MFSD6: variants seen among roughly 807,000 people sequenced by gnomAD.
MFSD6 encodes major facilitator superfamily domain containing 6.
MFSD6 carries 26 observed loss-of-function variants against 56.3 expected under a neutral mutation model. The ratio of observed to expected loss-of-function variants is 0.46; its 90% CI spans 0.34 to 0.64. MFSD6 has a LOEUF of 0.64. Ranked by LOEUF, MFSD6 falls within the 30% of genes least tolerant of loss-of-function variation. The pLI, the probability that MFSD6 is intolerant of heterozygous loss-of-function variation, is 0.01. For synonymous variants in MFSD6, 331 were observed against 366.9 expected (o/e 0.90, Z 1.12); for missense variants, 750 against 986.2 (o/e 0.76, Z 3.21).
rs1054557313 is a variant in MFSD6, at chr2:190,434,982, C to T, written c.-53-995C>T. 1.3e-5 allele frequency among the ~76,000 whole-genome samples: 2 copies of T among 152,094 alleles called. No individual in the cohort carries two copies. Among genetic ancestry groups the T allele is most frequent in the Non-Finnish European group, 2.9e-5 (2 of 68,018 alleles). The stretch of plus-strand genomic sequence containing the variant: ...TGAACGCTATTGTGAACTGTGCATG[C>T]GAGGGATGTAGGTTGTGTGCTCCTT... On this transcript the variant is annotated intron_variant, in intron 2 of 7. Coordinates refer to ENST00000392328, the MANE Select transcript of MFSD6 (RefSeq NM_017694.4). This position sits in a 1 kb window ranked among gnomAD's most constrained non-coding sequence, Gnocchi z 4.3.
rs1280126389 is a variant in MFSD6, at chr2:190,424,766, G to A, written c.-54+9353G>A. 2.6e-5 allele frequency among the ~76,000 whole-genome samples: 4 copies of A among 152,154 alleles called. No homozygotes were observed. Among genetic ancestry groups the A allele is most frequent in the Non-Finnish European group, 2.9e-5 (2 of 68,034 alleles). On this transcript the variant is annotated intron_variant, in intron 2 of 7. Coordinates refer to ENST00000392328, the MANE Select transcript of MFSD6 (RefSeq NM_017694.4). The surrounding 1 kb of genome is among the most constrained non-coding windows in gnomAD (Gnocchi z 5.9). ...GGGCATATTTGGGTGGATTTGTTCT[G>A]GGTTCTGTATTCTGTTACATTGATC...
chr2:190,429,487 A>G (rs1685893971), intron 2 of MFSD6, among the ~76,000 whole-genome samples: 2 of 151,980 alleles, frequency 1.3e-5, no homozygotes, highest in Non-Finnish European at 2.9e-5. Context: ...CACCATGCCC[A>G]GCTAATTTTT....
rs1465619031 is a variant in MFSD6, at chr2:190,454,451, GGGCCCTCA to G, written c.1533-15306_1533-15299del. 1 of 152,118 alleles carries G rather than the reference GGGCCCTCA, an allele frequency of 6.6e-6. No homozygotes were observed. The highest frequency in any genetic ancestry group is 1.5e-5 in the Non-Finnish European group (1 of 68,050). The allele number at this position is 152,118 out of a possible 1,614,324, so 9.4% of individuals were successfully genotyped here. A position where few individuals can be genotyped will look rare whatever the true frequency, so the allele number is the denominator to read the frequency against. ...ATGAAGTTTAGAGGTCATGAGAGTG[GGGCCCTCA>G]TAATGGGGTTAGTGCCCTTACAAGA... On this transcript the variant is annotated intron_variant, in intron 3 of 7. Transcript: ENST00000392328. The surrounding 1 kb of genome is among the most constrained non-coding windows in gnomAD (Gnocchi z 4.6).
chr2:190,458,733 A>G lies in MFSD6; in HGVS notation c.1533-11025A>G, dbSNP rs1687170580. On this transcript the variant is annotated intron_variant, in intron 3 of 7. Coordinates refer to ENST00000392328, the MANE Select transcript of MFSD6 (RefSeq NM_017694.4). This position sits in a 1 kb window ranked among gnomAD's most constrained non-coding sequence, Gnocchi z 5.3. The stretch of plus-strand genomic sequence containing the variant: ...AGTGGCAAAAATCCTTACCCAGAGA[A>G]GCTTAAGTAAAATGGGGACTGTATT... Among the ~76,000 whole-genome samples the G allele has an allele frequency of 6.6e-6, 1 of 152,188 alleles. No individual in the cohort carries two copies. Among genetic ancestry groups the G allele is most frequent in the South Asian group, 2.1e-4 (1 of 4,824 alleles).
Position 190,437,409 on chromosome 2 carries a change from A to G in MFSD6, c.1380A>G (p.Gly460=). The G allele has an allele frequency of 6.2e-7, 1 of 1,614,178 alleles. No homozygotes were observed. The highest frequency in any genetic ancestry group is 2.2e-5 in the East Asian group (1 of 44,876). The stretch of plus-strand genomic sequence containing the variant: ...TTGTGGCTTGGTTCATGGGTTTTGG[A>G]TATGGCTTCGTGTTCACCTTTCTCT... ...VLFVAWFMGF[G]YGFVFTFLYW... The change falls in exon 3 of 8, where the codon GGA becomes GGG. Residue 460 remains glycine (G), a synonymous_variant. Coordinates refer to ENST00000392328, the MANE Select transcript of MFSD6 (RefSeq NM_017694.4). This position sits in a 1 kb window ranked among gnomAD's most constrained non-coding sequence, Gnocchi z 5.9.
intron 2 of MFSD6, among the ~76,000 whole-genome samples, chr2:190,421,053 T>A (rs1051435269): frequency 7.9e-5 from 12 of 152,300 alleles, no homozygotes; most frequent in African/African-American, 2.9e-4. Flanking sequence ...CAAAAGTCAT[T>A]TGCATATGGT....
chr2:190,499,010 T>C lies in MFSD6; in HGVS notation c.2173-1005T>C, dbSNP rs1689870873. On this transcript the variant is annotated intron_variant, in intron 7 of 7. Coordinates refer to ENST00000392328, the MANE Select transcript of MFSD6 (RefSeq NM_017694.4). The surrounding 1 kb of genome is among the most constrained non-coding windows in gnomAD (Gnocchi z 6.0). ...TAAAAATATAAAAATTAGCTGGGCA[T>C]GGTGGCGGGTGCCTGTAATCCCAGC... is the stretch of plus-strand genomic sequence containing the variant. Among the ~76,000 whole-genome samples, 1 of 152,100 alleles carries C rather than the reference T, an allele frequency of 6.6e-6. No individual in the cohort carries two copies. Among genetic ancestry groups the C allele is most frequent in the South Asian group, 2.1e-4 (1 of 4,828 alleles).
At position 190,485,408 on chromosome 2, in the gene MFSD6, A is replaced by G. The variant is rs1250567458; in HGVS notation, c.1631-3249A>G. Among the ~76,000 whole-genome samples the G allele has an allele frequency of 6.6e-6, 1 of 152,184 alleles. No homozygotes were observed. The highest frequency in any genetic ancestry group is 1.5e-5 in the Non-Finnish European group (1 of 68,008). ...ACCTACTACCATTTGATGTGTTTTC[A>G]GGTTTTCGGTAATTCATCTTTAAGA... On this transcript the variant is annotated intron_variant, in intron 4 of 7. Transcript: ENST00000392328. This position sits in a 1 kb window ranked among gnomAD's most constrained non-coding sequence, Gnocchi z 5.1.
chr2:190,431,241 G>A lies in MFSD6; in HGVS notation c.-53-4736G>A, dbSNP rs1276626184. On this transcript the variant is annotated intron_variant, in intron 2 of 7. Transcript: ENST00000392328. This position sits in a 1 kb window ranked among gnomAD's most constrained non-coding sequence, Gnocchi z 4.4. ...CCAGACTGGGCAGCCAGGCAGAGGG[G>A]CTCCTCACCTCCCAGAGGATGGGCG... Among the ~76,000 whole-genome samples the A allele has an allele frequency of 1.3e-5, 2 of 151,354 alleles. No homozygotes were observed. Among genetic ancestry groups the A allele is most frequent in the East Asian group, 3.9e-4 (2 of 5,066 alleles).
At position 190,500,132 on chromosome 2, in the gene MFSD6, C is replaced by A. The variant is rs1269384680; in HGVS notation, c.2290C>A (p.Gln764Lys). 1 of 1,614,158 alleles carries A rather than the reference C, an allele frequency of 6.2e-7. No individual in the cohort carries two copies. The highest frequency in any genetic ancestry group is 8.5e-7 in the Non-Finnish European group (1 of 1,180,028). ...CCCTGACGCAGCAGCATCTCAGACG[C>A]AGACCAGCCCCGCTCACCCCAGTGT... ...PSPDAAASQT[Q>K]TSPAHPSVDP... The change falls in exon 8 of 8, where the codon CAG becomes AAG. Residue 764 changes from glutamine (Q) to lysine (K), a missense_variant. Gln to Lys is a moderately conservative substitution (Grantham distance 53). Around this residue, in one of 5 missense-constraint regions of MFSD6, gnomAD observed 172 missense variants for 203.9 expected, o/e 0.84. Transcript: ENST00000392328. This position sits in a 1 kb window ranked among gnomAD's most constrained non-coding sequence, Gnocchi z 5.3.
chr2:190,447,991 T>C lies in MFSD6; in HGVS notation c.1532+10430T>C, dbSNP rs1455424430. Among the ~76,000 whole-genome samples, 2 of 152,238 alleles carry C rather than the reference T, an allele frequency of 1.3e-5. No homozygotes were observed. Among genetic ancestry groups the C allele is most frequent in the Non-Finnish European group, 2.9e-5 (2 of 68,032 alleles). ...GGCCATTGTTGCAAAGTGGTATAAA[T>C]GGATCCAGGGCTTTTACTGGCATCA... On this transcript the variant is annotated intron_variant, in intron 3 of 7. Coordinates refer to ENST00000392328, the MANE Select transcript of MFSD6 (RefSeq NM_017694.4). This position sits in a 1 kb window ranked among gnomAD's most constrained non-coding sequence, Gnocchi z 4.5.
Position 190,436,744 on chromosome 2 carries a change from G to A in MFSD6, c.715G>A (p.Asp239Asn), listed in dbSNP as rs761219283. ...AGGTGAAATTACTAACCGTATGATGGACTTGACTTTGAACTCAAGCACAGC... is the reference window on the plus strand; with the variant it reads ...AGGTGAAATTACTAACCGTATGATGAACTTGACTTTGAACTCAAGCACAGC... Reference protein sequence around the residue: ...QTGEITNRMMDLTLNSSTATP... With the variant: ...QTGEITNRMMNLTLNSSTATP... The change falls in exon 3 of 8, where the codon GAC (aspartate) becomes AAC (asparagine). Residue 239 changes from aspartate to asparagine, a missense_variant. Coordinates refer to ENST00000392328, the MANE Select transcript of MFSD6 (RefSeq NM_017694.4). This position sits in a 1 kb window ranked among gnomAD's most constrained non-coding sequence, Gnocchi z 5.3. 1.9e-6 allele frequency: 3 copies of A among 1,614,166 alleles called. No individual in the cohort carries two copies. The highest frequency in any genetic ancestry group is 1.6e-4 in the Middle Eastern group (1 of 6,062).
chr2:190,493,523 C>G (rs1689484253), intron 6 of MFSD6, among the ~76,000 whole-genome samples: 1 of 152,116 alleles, frequency 6.6e-6, no homozygotes, highest in African/African-American at 2.4e-5. Context: ...TACCCTGGAA[C>G]AAATGAACTT....
rs1688971049 is a variant in MFSD6 at position 190,485,688 on chromosome 2, C to A, written c.1631-2969C>A. Reference sequence around the variant, plus strand: ...CAGGCATTATTCAATTCTGAGAAAGCTGGCATTATCTAGGGTATTGCAATT... The same window carrying A: ...CAGGCATTATTCAATTCTGAGAAAGATGGCATTATCTAGGGTATTGCAATT... On this transcript the variant is annotated intron_variant, in intron 4 of 7. Coordinates refer to ENST00000392328, the MANE Select transcript of MFSD6 (RefSeq NM_017694.4). The surrounding 1 kb of genome is among the most constrained non-coding windows in gnomAD (Gnocchi z 5.1). Among the ~76,000 whole-genome samples the A allele has an allele frequency of 6.6e-6, 1 of 152,000 alleles. No homozygotes were observed. The highest frequency in any genetic ancestry group is 1.5e-5 in the Non-Finnish European group (1 of 67,990).
chr2:190,472,220 A>T (rs1232264591), intron 4 of MFSD6, among the ~76,000 whole-genome samples: 1 of 152,384 alleles, frequency 6.6e-6, no homozygotes, highest in East Asian at 1.9e-4. Context: ...CTCACTAGCA[A>T]TGGAACAAAG....
Position 190,497,352 on chromosome 2 carries a change from G to A in MFSD6, c.1892-87G>A. The A allele has an allele frequency of 6.9e-7, 1 of 1,454,416 alleles. No individual in the cohort carries two copies. Among genetic ancestry groups the A allele is most frequent in the Non-Finnish European group, 9.3e-7 (1 of 1,076,296 alleles). The allele number at this position is 1,454,416 out of a possible 1,614,324, so 90.1% of individuals were successfully genotyped here. ...CAAGCACTCTGGAATGGGTATATGG[G>A]ATTCTTGGTTTATTTATTTATTTTT... is the stretch of plus-strand genomic sequence containing the variant. On this transcript the variant is annotated intron_variant, in intron 6 of 7. Coordinates refer to ENST00000392328, the MANE Select transcript of MFSD6 (RefSeq NM_017694.4). The surrounding 1 kb of genome is among the most constrained non-coding windows in gnomAD (Gnocchi z 5.2).
At chr2:190,478,544 TG>T (rs1688475720) in intron 4 of MFSD6, among the ~76,000 whole-genome samples, 1 of 152,218 alleles carries the variant, frequency 6.6e-6, no homozygotes, top group African/African-American at 2.4e-5. Flanking sequence ...CTCGTCCAAA[TG>T]GCTTTAAAGT....
rs912532526 is a variant in MFSD6 at position 190,423,179 on chromosome 2, T to C, written c.-54+7766T>C. Among the ~76,000 whole-genome samples, 4 of 152,190 alleles carry C rather than the reference T, an allele frequency of 2.6e-5. No individual in the cohort carries two copies. The highest frequency in any genetic ancestry group is 5.9e-5 in the Non-Finnish European group (4 of 68,030). On this transcript the variant is annotated intron_variant, in intron 2 of 7. Transcript: ENST00000392328. The surrounding 1 kb of genome is among the most constrained non-coding windows in gnomAD (Gnocchi z 4.3). ...CCAGTGATAACATCTTGCAAAACTA[T>C]AGCATAATAGCACCATTGACATTGA...
intron 3 of MFSD6, among the ~76,000 whole-genome samples, chr2:190,440,087 A>G (rs1337467554): frequency 1.3e-5 from 2 of 152,280 alleles, no homozygotes; most frequent in South Asian, 2.1e-4. Flanking sequence ...GCATGCATGT[A>G]TATTATTTCA....
Sources: allele counts gnomAD v4.1 joint callset (sites outside exome capture counted in the v4.1 genomes callset), GRCh38; gene constraint gnomAD v4.1.1; regional missense constraint gnomAD v4.1.1; non-coding constraint Gnocchi (gnomAD v3.1); transcripts MANE v1.5; gene names NCBI Gene and HGNC (gene_info 2026-07-23, HGNC 2026-07-21).